The following TLK1 variants were observed in gnomAD, a reference collection of about 807,000 sequenced individuals.
TLK1 encodes the protein tousled like kinase 1, also known as serine/threonine-protein kinase tousled-like 1.
TLK1 carries 24 observed loss-of-function variants against 105.3 expected under a neutral mutation model. That is an observed-to-expected ratio of 0.23 (90% CI 0.17 to 0.32). The LOEUF is 0.32. TLK1 is among the 10% of genes least tolerant of loss of function. The pLI is 1.00. For synonymous variants in TLK1, 321 were observed against 310.4 expected (o/e 1.03, Z -0.36); for missense variants, 558 against 910.5 (o/e 0.61, Z 4.98).
chr2:171,205,697 G>T (rs1693491262), intron 1 of TLK1, among the ~76,000 whole-genome samples: 1 of 152,176 alleles, frequency 6.6e-6, no homozygotes, highest in Non-Finnish European at 1.5e-5. Flanking sequence ...TTTTATTGCT[G>T]TTGGGTGGAG....
At chr2:171,000,398 AAGTT>A in intron 18 of TLK1, among the ~76,000 whole-genome samples, 1 of 151,324 alleles carries the variant, frequency 6.6e-6, no homozygotes, top group Non-Finnish European at 1.5e-5. Flanking sequence ...AAAAAAAAAA[AAGTT>A]AACTGCTAAT....
chr2:171,120,123 C>A (rs1232457639), intron 1 of TLK1, among the ~76,000 whole-genome samples: 1 of 151,724 alleles, frequency 6.6e-6, no homozygotes, highest in African/African-American at 2.4e-5. Context: ...GTGGTGTGTG[C>A]CTGTAATCTC....
chr2:171,028,189 A>T, intron 12 of TLK1, 150 bp downstream of exon 12: 2 of 631,202 alleles, frequency 3.2e-6, no homozygotes. Flanking sequence ...AAAATAAAGT[A>T]ACTTTAATGC....
At chr2:171,228,200 A>G (rs974026125) in intron 1 of TLK1, among the ~76,000 whole-genome samples, 3 of 152,126 alleles carry the variant, frequency 2.0e-5, no homozygotes, top group African/African-American at 7.2e-5. Context: ...TAAATAAAAG[A>G]ACATTGACCT....
intron 1 of TLK1, among the ~76,000 whole-genome samples, chr2:171,180,079 A>G (rs1196284448): frequency 7.1e-6 from 1 of 140,958 alleles, no homozygotes; most frequent in Non-Finnish European, 1.5e-5. Flanking sequence ...TGGGTGATAG[A>G]GTGAGACTCT....
intron 17 of TLK1, 26 bp downstream of exon 17, chr2:171,006,444 TAAAA>T (rs148912074): frequency 0.075 from 116,393 of 1,545,278 alleles, 5,788 homozygotes; most frequent in African/African-American, 0.25. Flanking sequence ...TACTCAAGTT[TAAAA>T]AAAATTAGAC....
chr2:171,042,069 C>A (rs750152023), intron 11 of TLK1, among the ~76,000 whole-genome samples: 4 of 152,166 alleles, frequency 2.6e-5, no homozygotes, highest in Middle Eastern at 3.4e-3. Flanking sequence ...TCATTTGCCA[C>A]AGAGTTAGTT....
chr2:171,080,867 C>T (rs1329510441), intron 3 of TLK1, among the ~76,000 whole-genome samples: 1 of 151,990 alleles, frequency 6.6e-6, no homozygotes, highest in Admixed American at 6.6e-5. Flanking sequence ...GGCACCATAC[C>T]CAGCTAACTT....
Position 171,210,212 on chromosome 2 carries a change from T to C in TLK1, c.-6+20933A>G, listed in dbSNP as rs187053174. 2.0e-3 allele frequency among the ~76,000 whole-genome samples: 308 copies of C among 152,306 alleles called. 3 individuals carry two copies. Among genetic ancestry groups the C allele is most frequent in the African/African-American group, 6.9e-3 (286 of 41,556 alleles). The stretch of plus-strand genomic sequence containing the variant: ...AATGTGGCAACCAAGGTGTGTATTA[T>C]AGCGGCCCCTCTGAAAGAGAAATAA... On this transcript the variant is annotated intron_variant, in intron 1 of 20. Coordinates refer to the TLK1 transcript ENST00000521943.
intron 1 of TLK1, among the ~76,000 whole-genome samples, chr2:171,206,527 T>C (rs1488810421): frequency 1.3e-5 from 2 of 152,172 alleles, no homozygotes; most frequent in Non-Finnish European, 2.9e-5. Context: ...CTATCACTTC[T>C]AGGGCCTAGT....
At chr2:171,228,823 G>A (rs1186473299) in intron 1 of TLK1, among the ~76,000 whole-genome samples, 1 of 152,146 alleles carries the variant, frequency 6.6e-6, no homozygotes, top group Admixed American at 6.5e-5. Flanking sequence ...ATTTTGCTAA[G>A]CTAGTGGTTG....
At chr2:171,067,149 T>C (rs926188778) in intron 3 of TLK1, among the ~76,000 whole-genome samples, 1 of 144,742 alleles carries the variant, frequency 6.9e-6, no homozygotes, top group Non-Finnish European at 1.5e-5. Context: ...TCACAGAATA[T>C]GTGCACTTAG....
At chr2:171,031,047 T>C (rs1258520991) in intron 11 of TLK1, among the ~76,000 whole-genome samples, 1 of 151,712 alleles carries the variant, frequency 6.6e-6, no homozygotes, top group African/African-American at 2.4e-5. Flanking sequence ...AAGGAAGTTA[T>C]AAATACTCTC....
chr2:170,997,199 T>C (rs1381943038), intron 19 of TLK1, among the ~76,000 whole-genome samples: 1 of 152,204 alleles, frequency 6.6e-6, no homozygotes, highest in Non-Finnish European at 1.5e-5. Flanking sequence ...CACAAATCCC[T>C]TAACCTCTCT....
At chr2:171,155,578 C>T (rs1276983928) in intron 1 of TLK1, 4 of 152,100 alleles carry the variant, frequency 2.6e-5, no homozygotes, top group Non-Finnish European at 5.9e-5. Flanking sequence ...TAAAAAATCA[C>T]AGAATGTTTA....
intron 1 of TLK1, among the ~76,000 whole-genome samples, chr2:171,179,431 CCCCTA>C (rs1692888448): frequency 2.0e-5 from 3 of 152,068 alleles, no homozygotes; most frequent in African/African-American, 4.8e-5. Flanking sequence ...TCCCCAATGC[CCCCTA>C]TTTGTCCTCT....
At chr2:171,021,475 G>C (rs559294475) in intron 12 of TLK1, among the ~76,000 whole-genome samples, 1 of 113,738 alleles carries the variant, frequency 8.8e-6, no homozygotes. Flanking sequence ...TTTTTTGGTA[G>C]AGACAAGATT....
chr2:171,061,855 A>G (rs571531453), intron 3 of TLK1, among the ~76,000 whole-genome samples: 39 of 152,258 alleles, frequency 2.6e-4, no homozygotes, highest in African/African-American at 9.1e-4. Context: ...TTCAAGTTTC[A>G]GTATTCCTAA....
chr2:171,069,368 C>T (rs1177498260), intron 3 of TLK1, among the ~76,000 whole-genome samples: 2 of 152,164 alleles, frequency 1.3e-5, no homozygotes, highest in Non-Finnish European at 2.9e-5. Context: ...CTTAAGAAGT[C>T]GCAATCTAGC....
Sources: allele counts gnomAD v4.1 joint callset (sites outside exome capture counted in the v4.1 genomes callset), GRCh38; gene constraint gnomAD v4.1.1; transcripts MANE v1.5; gene names NCBI Gene and HGNC (gene_info 2026-07-23, HGNC 2026-07-21).